Variants in JDP2 observed in about 807,000 individuals in gnomAD.
JDP2 encodes Jun dimerization protein 2.
A neutral mutation model predicts 17.1 loss-of-function variants in JDP2; 9 were observed. That is an observed-to-expected ratio of 0.53 (90% CI 0.32 to 0.92). JDP2 has a LOEUF of 0.92. Ranked by LOEUF, JDP2 falls within the 40% of genes least tolerant of loss-of-function variation. The pLI, the probability that JDP2 is intolerant of heterozygous loss-of-function variation, is 0.04. For missense variants in JDP2, 179 were observed against 220.0 expected (o/e 0.81, Z 1.18); for synonymous variants, 107 against 95.6 (o/e 1.12, Z -0.69).
At chr14:75,438,673 C>T (rs970855261) in intron 2 of JDP2, among the ~76,000 whole-genome samples, 3 of 152,218 alleles carry the variant, frequency 2.0e-5, no homozygotes, top group African/African-American at 7.2e-5. Flanking sequence ...GGCATGGCCT[C>T]GGTCAGCCAG....
At position 75,458,382 on chromosome 14, in the gene JDP2, T is replaced by C. The variant is rs866788437; in HGVS notation, c.202-3044T>C. Among the ~76,000 whole-genome samples, 7 of 152,200 alleles carry C rather than the reference T, an allele frequency of 4.6e-5. No individual in the cohort carries two copies. The South Asian group carries it at 1.5e-3, about 32-fold the overall frequency. On this transcript the variant is annotated intron_variant, in intron 2 of 3. Coordinates refer to ENST00000651602, the MANE Select transcript of JDP2 (RefSeq NM_001135048.2). Reference sequence around the variant, plus strand: ...TTCCTCTCTGTGTGTCCGTGTGTTCTCATCATTTAGCTCCCACTTATTAGT... The same window carrying C: ...TTCCTCTCTGTGTGTCCGTGTGTTCCCATCATTTAGCTCCCACTTATTAGT...
chr14:75,456,645 C>T (rs573292427), intron 2 of JDP2, among the ~76,000 whole-genome samples: 2 of 152,098 alleles, frequency 1.3e-5, no homozygotes, highest in East Asian at 1.9e-4. Context: ...TCTCTTGGTA[C>T]GTGGTCTCTG....
chr14:75,464,290 G>A (rs1311002259), intron 3 of JDP2, among the ~76,000 whole-genome samples: 1 of 152,190 alleles, frequency 6.6e-6, no homozygotes, highest in African/African-American at 2.4e-5. Flanking sequence ...TTAATAAATA[G>A]TAATTATTTA....
chr14:75,433,031 G>A (rs551506520), intron 1 of JDP2, among the ~76,000 whole-genome samples: 9 of 151,256 alleles, frequency 6.0e-5, no homozygotes, highest in South Asian at 2.1e-4. Context: ...GAGAAACCCC[G>A]TCTCTACTAA....
chr14:75,469,322 G>A lies in JDP2; in HGVS notation c.339G>A (p.Glu113=), dbSNP rs1157756251. ...AGCGGCTGGAACTCATGAACGCAGAGCTGAAGACCCAGATTGAGGAGCTGA... is the reference window on the plus strand; with the variant it reads ...AGCGGCTGGAACTCATGAACGCAGAACTGAAGACCCAGATTGAGGAGCTGA... ...ESERLELMNA[E]LKTQIEELKQ... Residue 113 remains glutamate (E), a synonymous_variant, in exon 4 of 4, where the codon GAG becomes GAA. Coordinates refer to ENST00000651602, the MANE Select transcript of JDP2 (RefSeq NM_001135048.2). The A allele has an allele frequency of 2.5e-6, 4 of 1,614,072 alleles. No homozygotes were observed. Among genetic ancestry groups the A allele is most frequent in the Non-Finnish European group, 2.5e-6 (3 of 1,180,026 alleles).
chr14:75,443,991 C>T (rs1387828051), intron 2 of JDP2, among the ~76,000 whole-genome samples: 1 of 152,128 alleles, frequency 6.6e-6, no homozygotes, highest in Non-Finnish European at 1.5e-5. Context: ...CAGCCTTGAC[C>T]TCTTGAGCTC....
Position 75,428,075 on chromosome 14 carries a change from T to TGGC in JDP2, c.-192_-190dup, listed in dbSNP as rs1884604850. ...GCTCGGCGGCCGCGACGGGGGGCGCTGGCGGCGGCGGACGCTGCAGCGGCG... is the reference window on the plus strand; with the variant it reads ...GCTCGGCGGCCGCGACGGGGGGCGCTGGCGGCGGCGGCGGACGCTGCAGCGGCG... On this transcript the variant is annotated 5_prime_UTR_variant, in exon 1 of 4. Coordinates refer to ENST00000651602, the MANE Select transcript of JDP2 (RefSeq NM_001135048.2). The surrounding 1 kb of genome is among the most constrained non-coding windows in gnomAD (Gnocchi z 5.6). 1 of 147,400 alleles carries TGGC rather than the reference T, an allele frequency of 6.8e-6. No homozygotes were observed. Among genetic ancestry groups the TGGC allele is most frequent in the African/African-American group, 2.5e-5 (1 of 40,624 alleles). The allele number at this position is 147,400 out of a possible 1,614,324, so 9.1% of individuals were successfully genotyped here.
chr14:75,456,529 C>T (rs904341023), intron 2 of JDP2, among the ~76,000 whole-genome samples: 1 of 152,206 alleles, frequency 6.6e-6, no homozygotes, highest in Non-Finnish European at 1.5e-5. Flanking sequence ...GGCACCCCAC[C>T]TGCTTTCCCC....
chr14:75,453,518 C>T (rs56894087), intron 2 of JDP2, among the ~76,000 whole-genome samples: 313 of 152,368 alleles, frequency 2.1e-3, no homozygotes, highest in African/African-American at 7.3e-3. Context: ...GCACCACCTC[C>T]GCCTTGCCTG....
In JDP2 at chr14:75,469,599, C is replaced by A; in HGVS notation, c.*124C>A. ...TGAAAAACTGTACAATGAGGTTCAG[C>A]ACAGCCAGCATCAGCCGAGCTTTTT... On this transcript the variant is annotated 3_prime_UTR_variant, in exon 4 of 4. Coordinates refer to ENST00000651602, the MANE Select transcript of JDP2 (RefSeq NM_001135048.2). 1 of 802,856 alleles carries A rather than the reference C, an allele frequency of 1.2e-6. No individual in the cohort carries two copies. The allele number at this position is 802,856 out of a possible 1,614,324, so 49.7% of individuals were successfully genotyped here.
chr14:75,457,510 C>T (rs75918327), intron 2 of JDP2, among the ~76,000 whole-genome samples: 5,454 of 152,240 alleles, frequency 0.036, 328 homozygotes, highest in African/African-American at 0.13. Context: ...AATAGCAGTG[C>T]GAGGATTTAG....
chr14:75,434,571 C>T (rs189823806), intron 1 of JDP2, among the ~76,000 whole-genome samples: 12 of 152,106 alleles, frequency 7.9e-5, no homozygotes, highest in East Asian at 7.7e-4. Context: ...AGGGGGTGGC[C>T]GCTCCTTCAG....
intron 2 of JDP2, 95 bp downstream of exon 2, chr14:75,438,216 AGTAT>A: frequency 1.0e-6 from 1 of 967,310 alleles, no homozygotes; most frequent in Non-Finnish European, 1.5e-6. Flanking sequence ...TCTGAGGACC[AGTAT>A]CATCCGTACC....
At chr14:75,439,944 G>T (rs1308895923) in intron 2 of JDP2, among the ~76,000 whole-genome samples, 1 of 152,212 alleles carries the variant, frequency 6.6e-6, no homozygotes, top group Non-Finnish European at 1.5e-5. Flanking sequence ...TTGGGCAGAG[G>T]TCGTCAAGCT....
chr14:75,450,781 C>CA lies in JDP2; in HGVS notation c.202-10640dup, dbSNP rs533064560. Among the ~76,000 whole-genome samples the CA allele has an allele frequency of 1.8e-3, 279 of 152,296 alleles. 1 individual carries two copies. Among genetic ancestry groups the CA allele is most frequent in the African/African-American group, 6.4e-3 (266 of 41,564 alleles). ...CTAACCACGCAAGGTGCTGAGCACA[C>CA]AAAAAGTCAACAAGATGCAGACTTT... On this transcript the variant is annotated intron_variant, in intron 2 of 3. Transcript: ENST00000651602.
chr14:75,464,250 T>C (rs1311075238), intron 3 of JDP2, among the ~76,000 whole-genome samples: 1 of 152,192 alleles, frequency 6.6e-6, no homozygotes, highest in East Asian at 1.9e-4. Flanking sequence ...ATAGGTAAAA[T>C]ACAAGGCTCA....
At chr14:75,443,990 C>A (rs1435475588) in intron 2 of JDP2, among the ~76,000 whole-genome samples, 1 of 151,970 alleles carries the variant, frequency 6.6e-6, no homozygotes, top group Non-Finnish European at 1.5e-5. Context: ...GCAGCCTTGA[C>A]CTCTTGAGCT....
rs1886841313 is a variant in JDP2 at position 75,472,721 on chromosome 14, T to C, written c.*3246T>C. 1 of 152,266 alleles carries C rather than the reference T, an allele frequency of 6.6e-6. No homozygotes were observed. Among genetic ancestry groups the C allele is most frequent in the Admixed American group, 6.5e-5 (1 of 15,294 alleles). The allele number at this position is 152,266 out of a possible 1,614,324, so 9.4% of individuals were successfully genotyped here. ...TGGTAATTATTTTGTCCTCTGTTAG[T>C]GTCGGTAGTTATTGATATCTACATA... is the stretch of plus-strand genomic sequence containing the variant. On this transcript the variant is annotated 3_prime_UTR_variant, in exon 4 of 4. Coordinates refer to ENST00000651602, the MANE Select transcript of JDP2 (RefSeq NM_001135048.2).
intron 1 of JDP2, among the ~76,000 whole-genome samples, chr14:75,433,291 T>C (rs1370116568): frequency 7.3e-6 from 1 of 137,514 alleles, no homozygotes; most frequent in African/African-American, 2.6e-5. Context: ...GCAAAAACCG[T>C]GATTACTTTT....
Sources: allele counts gnomAD v4.1 joint callset (sites outside exome capture counted in the v4.1 genomes callset), GRCh38; gene constraint gnomAD v4.1.1; non-coding constraint Gnocchi (gnomAD v3.1); transcripts MANE v1.5; gene names NCBI Gene and HGNC (gene_info 2026-07-23, HGNC 2026-07-21).